Variants in VSIG10L observed in about 807,000 individuals in gnomAD.
The protein encoded by VSIG10L is V-set and immunoglobulin domain containing 10 like, also known as V-set and immunoglobulin domain-containing protein 10-like.
VSIG10L carries 63 observed loss-of-function variants against 67.3 expected under a neutral mutation model. The observed-to-expected ratio is 0.94, with a 90% CI of 0.76 to 1.15. VSIG10L has a LOEUF of 1.15. Ranked by LOEUF, VSIG10L falls within the 50% of genes most tolerant of loss-of-function variation. The pLI, the probability that VSIG10L is intolerant of heterozygous loss-of-function variation, is 0.00. For synonymous variants in VSIG10L, 499 were observed against 524.9 expected, an observed-to-expected ratio of 0.95 and a Z score of 0.67; for missense variants, 1,050 against 1,177.5, an observed-to-expected ratio of 0.89 and a Z score of 1.58.
chr19:51,337,351 C>T lies in VSIG10L; in HGVS notation c.2192G>A (p.Arg731Gln), dbSNP rs765141637. ...VSLLILGPQERSAVVPLPPRN... is the reference protein window; with the variant it reads ...VSLLILGPQEQSAVVPLPPRN... The stretch of plus-strand genomic sequence containing the variant: ...AGGTGGAAGGGGCACCACGGCTGAC[C>T]GCTCCTGAGGCCCCAGGATGAGCAG... Residue 731 changes from arginine (R) to glutamine (Q), a missense_variant, in exon 7 of 10, where the codon CGG becomes CAG. Arg to Gln is a conservative substitution (Grantham distance 43). Coordinates refer to ENST00000335624, the MANE Select transcript of VSIG10L (RefSeq NM_001163922.3). 28 of 1,551,524 alleles carry T rather than the reference C, an allele frequency of 1.8e-5. No homozygotes were observed. In the South Asian group the frequency reaches 2.3e-4, roughly 13 times the overall value.
chr19:51,338,191 G>A lies in VSIG10L; in HGVS notation c.1747C>T (p.Leu583=). 3 of 1,485,760 alleles carry A rather than the reference G, an allele frequency of 2.0e-6. No homozygotes were observed. Among genetic ancestry groups the A allele is most frequent in the South Asian group, 2.7e-5 (2 of 74,322 alleles). The allele number at this position is 1,485,760 out of a possible 1,614,324, so 92.0% of individuals were successfully genotyped here. A position where few individuals can be genotyped will look rare whatever the true frequency, so the allele number is the denominator to read the frequency against. The change falls in exon 6 of 10, where the codon CTG becomes TTG. Residue 583 remains leucine, a synonymous_variant. Transcript: ENST00000335624. ...GTCTCTGCCACCAGCGGATGCAGCA[G>A]CACCTCTCGGGGGGCCTCTGCCGGT... The part of the protein sequence containing the change: ...TVTPEAPREV[L]LHPLVAETRL...
chr19:51,338,021 G>A lies in VSIG10L; in HGVS notation c.1917C>T (p.Ile639=), dbSNP rs1393655909. 8.4e-6 allele frequency: 13 copies of A among 1,551,670 alleles called. No homozygotes were observed. In the East Asian group the frequency reaches 1.5e-4, roughly 18 times the overall value. Residue 639 remains isoleucine, a synonymous_variant, in exon 6 of 10, where the codon ATC becomes ATT. Transcript: ENST00000335624. Reference sequence around the variant, plus strand: ...GGTCCCAATCCAGGCTGAAGTTGCCGATGTGGAGTTTCCGCCCATCTTGAC... The same window carrying A: ...GGTCCCAATCCAGGCTGAAGTTGCCAATGTGGAGTTTCCGCCCATCTTGAC... ...RLSQDGRKLH[I]GNFSLDWDLG... is the part of the protein sequence containing the mutation.
In VSIG10L at chr19:51,337,283, C is replaced by T. The variant is rs1253716540; in HGVS notation, c.2260G>A (p.Gly754Arg). Residue 754 changes from glycine (G) to arginine (R), a missense_variant, in exon 7 of 10, where the codon GGG (glycine) becomes AGG (arginine). Gly to Arg is a moderately radical substitution (Grantham distance 125, BLOSUM62 -2). Transcript: ENST00000335624. ...TWTFRILPIL[G>R]GQPGTPSQSR... ...TGTGATGGAGTCCCTGGCTGGCCCC[C>T]CAGGATGGGCAGGATCCGAAAGGTC... 6 of 1,551,116 alleles carry T rather than the reference C, an allele frequency of 3.9e-6. No homozygotes were observed. Among genetic ancestry groups the T allele is most frequent in the South Asian group, 1.2e-5 (1 of 84,048 alleles).
chr19:51,332,430 T>A lies in VSIG10L; in HGVS notation c.*181A>T. The A allele has an allele frequency of 1.4e-6, 1 of 736,348 alleles. No homozygotes were observed. Among genetic ancestry groups the A allele is most frequent in the Admixed American group, 2.1e-5 (1 of 48,554 alleles). The allele number at this position is 736,348 out of a possible 1,614,324, so 45.6% of individuals were successfully genotyped here. ...ACTTGCACAAATACAGGAAGACTCT[T>A]CTTCTGCAGCAAGAGAGGGAGACAG... is the stretch of plus-strand genomic sequence containing the variant. On this transcript the variant is annotated 3_prime_UTR_variant, in exon 10 of 10. Coordinates refer to ENST00000335624, the MANE Select transcript of VSIG10L (RefSeq NM_001163922.3).
rs960282897 is a variant in VSIG10L at position 51,340,629 on chromosome 19, G to C, written c.993C>G (p.Arg331=). 2 of 1,534,338 alleles carry C rather than the reference G, an allele frequency of 1.3e-6. No homozygotes were observed. The highest frequency in any genetic ancestry group is 1.7e-6 in the Non-Finnish European group (2 of 1,146,066). ...RLRCLGWGPG[R]GELSWSRDGR... is the part of the protein sequence containing the mutation. ...CGTCCCGGCTCCAGCTCAGCTCCCC[G>C]CGACCTGGCCCCCACCCCAGGCAGC... The change falls in exon 3 of 10, where the codon CGC becomes CGG. Residue 331 remains arginine (R), a synonymous_variant. Transcript: ENST00000335624. The surrounding 1 kb of genome is among the most constrained non-coding windows in gnomAD (Gnocchi z 6.3).
Position 51,338,217 on chromosome 19 carries a change from G to A in VSIG10L, c.1730-9C>T. On this transcript the variant is annotated splice_polypyrimidine_tract_variant and intron_variant, in intron 5 of 9. Coordinates refer to ENST00000335624, the MANE Select transcript of VSIG10L (RefSeq NM_001163922.3). ...CACCTCTCGGGGGGCCTCTGCCGGT[G>A]GGAGAAGTCCAGTTAAGAAAGTCAA... 2.7e-6 allele frequency: 4 copies of A among 1,460,444 alleles called. No homozygotes were observed. The highest frequency in any genetic ancestry group is 1.4e-5 in the South Asian group (1 of 69,360). The allele number at this position is 1,460,444 out of a possible 1,614,324, so 90.5% of individuals were successfully genotyped here.
Position 51,337,433 on chromosome 19 carries a change from C to G in VSIG10L, c.2110G>C (p.Ala704Pro), listed in dbSNP as rs747638013. ...CCCAGAGCAGGCCCATCTGGCCATG[C>G]CTGGATCTCAAAACTGCTGATCAGG... ...GALISSFEIQ[A>P]WPDGPALGRT... The change falls in exon 7 of 10, where the codon GCA (alanine) becomes CCA (proline). Residue 704 changes from alanine (A) to proline (P), a missense_variant. Physicochemically the swap from Ala to Pro is conservative, Grantham distance 27. Coordinates refer to ENST00000335624, the MANE Select transcript of VSIG10L (RefSeq NM_001163922.3). 8.6e-5 allele frequency: 133 copies of G among 1,551,622 alleles called. No homozygotes were observed. The highest frequency in any genetic ancestry group is 1.1e-4 in the Non-Finnish European group (122 of 1,147,002).
At chr19:51,333,652 T>C in intron 9 of VSIG10L, 139 bp downstream of exon 9, 1 of 1,063,476 alleles carries the variant, frequency 9.4e-7, no homozygotes, top group East Asian at 3.0e-5. Context: ...TGATGCATTT[T>C]TAAAAAGGAT....
Position 51,340,482 on chromosome 19 carries a change from G to C in VSIG10L, c.1140C>G (p.Val380=). 6.6e-7 allele frequency: 1 copy of C among 1,515,932 alleles called. No homozygotes were observed. Among genetic ancestry groups the C allele is most frequent in the African/African-American group, 1.4e-5 (1 of 71,988 alleles). The allele number at this position is 1,515,932 out of a possible 1,614,324, so 93.9% of individuals were successfully genotyped here. A position where few individuals can be genotyped will look rare whatever the true frequency, so the allele number is the denominator to read the frequency against. ...CCTCCCTGTGGCCGAAGGGGCTGCGGACGCGGCAAGTGTACCGGGCGTGGT... is the reference window on the plus strand; with the variant it reads ...CCTCCCTGTGGCCGAAGGGGCTGCGCACGCGGCAAGTGTACCGGGCGTGGT... ...RSDHARYTCR[V]RSPFGHREAA... is the part of the protein sequence containing the mutation. The change falls in exon 3 of 10, where the codon GTC becomes GTG. Residue 380 remains valine (V), a synonymous_variant. Transcript: ENST00000335624. This position sits in a 1 kb window ranked among gnomAD's most constrained non-coding sequence, Gnocchi z 6.3.
chr19:51,342,016 A>G lies in VSIG10L; in HGVS notation c.41-9T>C, dbSNP rs1470249583. 6.4e-7 allele frequency: 1 copy of G among 1,551,748 alleles called. No individual in the cohort carries two copies. Among genetic ancestry groups the G allele is most frequent in the Non-Finnish European group, 8.7e-7 (1 of 1,146,984 alleles). On this transcript the variant is annotated splice_polypyrimidine_tract_variant and intron_variant, in intron 1 of 9. Transcript: ENST00000335624. This position sits in a 1 kb window ranked among gnomAD's most constrained non-coding sequence, Gnocchi z 4.4. ...GATCCCTACCAAGGAGGCTGCAGAG[A>G]AGAGAGGAAGGCATTGGGGGAGGCT... is the stretch of plus-strand genomic sequence containing the variant.
At position 51,341,586 on chromosome 19, in the gene VSIG10L, C is replaced by T; in HGVS notation, c.462G>A (p.Leu154=). 1 of 1,551,698 alleles carries T rather than the reference C, an allele frequency of 6.4e-7. No homozygotes were observed. Among genetic ancestry groups the T allele is most frequent in the South Asian group, 1.2e-5 (1 of 84,054 alleles). The part of the protein sequence containing the change: ...NISTQVSHTK[L]SVEAPDSKFS... ...ATTTTGAATCTGGGGCCTCAACAGACAGTTTGGTATGGGAGACTTGAGTAG... is the reference window on the plus strand; with the variant it reads ...ATTTTGAATCTGGGGCCTCAACAGATAGTTTGGTATGGGAGACTTGAGTAG... The change falls in exon 2 of 10, where the codon CTG becomes CTA. Residue 154 remains leucine, a synonymous_variant. Coordinates refer to ENST00000335624, the MANE Select transcript of VSIG10L (RefSeq NM_001163922.3).
intron 8 of VSIG10L, 39 bp downstream of exon 8, chr19:51,334,152 G>C (rs1462179686): frequency 1.9e-6 from 3 of 1,544,820 alleles, no homozygotes. Flanking sequence ...GTCCCTCCCC[G>C]TTGGTCATGG....
In VSIG10L at chr19:51,341,666, G is replaced by C; in HGVS notation, c.382C>G (p.Pro128Ala). 1 of 1,551,704 alleles carries C rather than the reference G, an allele frequency of 6.4e-7. No individual in the cohort carries two copies. Among genetic ancestry groups the C allele is most frequent in the Non-Finnish European group, 8.7e-7 (1 of 1,146,992 alleles). The change falls in exon 2 of 10, where the codon CCT (proline) becomes GCT (alanine). Residue 128 changes from proline to alanine, a missense_variant. By Grantham distance (27) the Pro-to-Ala change is conservative. Coordinates refer to ENST00000335624, the MANE Select transcript of VSIG10L (RefSeq NM_001163922.3). Reference sequence around the variant, plus strand: ...AAGGAAGGCTTGGGGTCTTTGGCAGGAACTTGAGGATCCGAAATATCAGGA... The same window carrying C: ...AAGGAAGGCTTGGGGTCTTTGGCAGCAACTTGAGGATCCGAAATATCAGGA... The part of the protein sequence containing the change: ...VFPDISDPQV[P>A]AKDPKPSFTV...
chr19:51,338,783 C>T, intron 5 of VSIG10L, 105 bp downstream of exon 5: 3 of 1,237,778 alleles, frequency 2.4e-6, no homozygotes, highest in South Asian at 5.7e-5. Context: ...CTGCCTCTTT[C>T]TTGGACTAAG....
chr19:51,339,283 G>GTTC (rs1985564868), intron 4 of VSIG10L, 141 bp from the exon 5 acceptor site: 4 of 954,770 alleles, frequency 4.2e-6, no homozygotes, highest in Middle Eastern at 7.4e-4. Context: ...CTGCGATCCC[G>GTTC]TTCCCTTTTC....
At position 51,338,916 on chromosome 19, in the gene VSIG10L, CACCAGGTGGCGAGCAAG is replaced by C; in HGVS notation, c.1684_1700del (p.Leu562GlyfsTer97). The C allele has an allele frequency of 6.9e-7, 1 of 1,443,710 alleles. No individual in the cohort carries two copies. The highest frequency in any genetic ancestry group is 9.1e-7 in the Non-Finnish European group (1 of 1,094,840). The allele number at this position is 1,443,710 out of a possible 1,614,324, so 89.4% of individuals were successfully genotyped here. On this transcript the variant is annotated frameshift_variant, in exon 5 of 10. Coordinates refer to ENST00000335624, the MANE Select transcript of VSIG10L (RefSeq NM_001163922.3). LOFTEE classifies it high-confidence loss of function. ...GCGTGACTGTGCAGGTACGCGTGGC[CACCAGGTGGCGAGCAAG>C]GCAGGTGATGGGGACGCCGCTGAGC...
At chr19:51,339,871 G>T in intron 4 of VSIG10L, 144 bp downstream of exon 4, 3 of 1,017,624 alleles carry the variant, frequency 2.9e-6, no homozygotes, top group Non-Finnish European at 3.8e-6. Context: ...GCTCCTTCTT[G>T]GTGACCCGCC....
chr19:51,339,926 G>A, intron 4 of VSIG10L, 89 bp downstream of exon 4: 1 of 1,057,890 alleles, frequency 9.5e-7, no homozygotes, highest in Non-Finnish European at 1.2e-6. Context: ...GCTCCTCCTT[G>A]CTGGCCCCGC....
chr19:51,341,783 T>C lies in VSIG10L; in HGVS notation c.265A>G (p.Met89Val), dbSNP rs1174025903. The C allele has an allele frequency of 6.4e-7, 1 of 1,551,390 alleles. No homozygotes were observed. Among genetic ancestry groups the C allele is most frequent in the Non-Finnish European group, 8.7e-7 (1 of 1,146,926 alleles). The change falls in exon 2 of 10, where the codon ATG (methionine) becomes GTG (valine). Residue 89 changes from methionine to valine, a missense_variant. Transcript: ENST00000335624. ...SWFPEALSSN[M>V]SGSFWSNVSA... ...ACATTTGACCAGAAGGACCCAGACA[T>C]GTTGGAACTCAGGGCCTCAGGAAAC...
Sources: gnomAD v4.1 joint callset for allele counts on GRCh38, gnomAD v4.1.1 for gene constraint, Gnocchi (gnomAD v3.1) non-coding constraint, MANE v1.5 for transcripts, NCBI Gene and HGNC (gene_info 2026-07-23, HGNC 2026-07-21) for gene names.